Variants in METTL14 observed in about 807,000 individuals in gnomAD.
The protein encoded by METTL14 is N(6)-adenosine-methyltransferase non-catalytic subunit METTL14.
Under a neutral mutation model 62.4 loss-of-function variants are expected in METTL14, and 32 were observed. The observed-to-expected ratio is 0.51, with a 90% CI of 0.39 to 0.69. The LOEUF is 0.69. Ranked by LOEUF, METTL14 falls within the 30% of genes least tolerant of loss-of-function variation. METTL14 has a pLI of 0.00. For synonymous variants in METTL14, 150 were observed against 180.0 expected (o/e 0.83, Z 1.34); for missense variants, 340 against 551.9 (o/e 0.62, Z 3.85).
At chr4:118,696,808 G>A (rs1038550976) in intron 6 of METTL14, among the ~76,000 whole-genome samples, 1 of 152,122 alleles carries the variant, frequency 6.6e-6, no homozygotes, top group Admixed American at 6.5e-5. Context: ...ATAAAACAAT[G>A]TGATATTCCT....
chr4:118,710,330 C>T lies in METTL14; in HGVS notation c.*28C>T. On this transcript the variant is annotated 3_prime_UTR_variant, in exon 11 of 11. Transcript: ENST00000388822. ...GTTGAAGACATTGAACCTATTCATC[C>T]TCCTCTAACCTTCTTTATTGTAATT... 1 of 1,556,244 alleles carries T rather than the reference C, an allele frequency of 6.4e-7. No homozygotes were observed. Among genetic ancestry groups the T allele is most frequent in the Non-Finnish European group, 8.7e-7 (1 of 1,152,838 alleles).
chr4:118,700,150 T>G (rs554307175), intron 7 of METTL14, among the ~76,000 whole-genome samples: 1 of 152,278 alleles, frequency 6.6e-6, no homozygotes, highest in South Asian at 2.1e-4. Flanking sequence ...AAACATTTAT[T>G]GTTATATTTT....
At chr4:118,700,201 T>C (rs1724547009) in intron 7 of METTL14, among the ~76,000 whole-genome samples, 1 of 152,176 alleles carries the variant, frequency 6.6e-6, no homozygotes, top group African/African-American at 2.4e-5. Flanking sequence ...AGTTAAGTGC[T>C]TCATTCTTTT....
intron 1 of METTL14, chr4:118,686,410 C>G (rs1260672205): frequency 1.5e-5 from 5 of 342,506 alleles, no homozygotes; most frequent in Non-Finnish European, 2.9e-5. Flanking sequence ...ATTTTCCATT[C>G]TACTATTCAG....
intron 9 of METTL14, among the ~76,000 whole-genome samples, chr4:118,705,126 A>G (rs917554194): frequency 3.3e-5 from 5 of 152,200 alleles, no homozygotes; most frequent in Non-Finnish European, 7.4e-5. Flanking sequence ...TCTTATTTAC[A>G]TGGCAGTCTT....
intron 5 of METTL14, among the ~76,000 whole-genome samples, chr4:118,692,614 G>C (rs1275495167): frequency 6.6e-6 from 1 of 151,728 alleles, no homozygotes; most frequent in Non-Finnish European, 1.5e-5. Flanking sequence ...TTTTTTGTTT[G>C]TTTCTTTTTG....
Position 118,689,405 on chromosome 4 carries a change from G to A in METTL14, c.191G>A (p.Arg64His), listed in dbSNP as rs201299266. Residue 64 changes from arginine (R) to histidine (H), a missense_variant, in exon 3 of 11, where the codon CGT becomes CAT. This residue lies in a region of METTL14 where 111 missense variants were observed against 116.6 expected (regional missense o/e 0.95). Transcript: ENST00000388822. ...GATACCTCTGCTCCAAATGCAAAAC[G>A]TAAGTATCTGGATGAAGGAGAGACA... is the stretch of plus-strand genomic sequence containing the variant. ...SYDTSAPNAK[R>H]KYLDEGETDE... 2.9e-4 allele frequency: 462 copies of A among 1,605,220 alleles called. No homozygotes were observed. Among genetic ancestry groups the A allele is most frequent in the Non-Finnish European group, 3.8e-4 (443 of 1,176,020 alleles).
chr4:118,711,708 A>G lies in METTL14; in HGVS notation c.*1406A>G, dbSNP rs1389227094. The G allele has an allele frequency of 6.6e-6, 1 of 152,068 alleles. No individual in the cohort carries two copies. The highest frequency in any genetic ancestry group is 2.4e-5 in the African/African-American group (1 of 41,320). The allele number at this position is 152,068 out of a possible 1,614,324, so 9.4% of individuals were successfully genotyped here. A position where few individuals can be genotyped will look rare whatever the true frequency, so the allele number is the denominator to read the frequency against. On this transcript the variant is annotated 3_prime_UTR_variant, in exon 11 of 11. Coordinates refer to ENST00000388822, the MANE Select transcript of METTL14 (RefSeq NM_020961.4). ...TTAACCCATTAGTACTATCTAGTAC[A>G]AGACCCCTTTTTTTTTGCTGAAATT...
rs778488764 is a variant in METTL14 at position 118,700,533 on chromosome 4, G to A, written c.646-17G>A. Reference sequence around the variant, plus strand: ...AAACAAAATACTTTTATGCAATATCGTTTTGATTTCTTACAGATTATGAAG... The same window carrying A: ...AAACAAAATACTTTTATGCAATATCATTTTGATTTCTTACAGATTATGAAG... On this transcript the variant is annotated splice_polypyrimidine_tract_variant and intron_variant, in intron 7 of 10. Coordinates refer to ENST00000388822, the MANE Select transcript of METTL14 (RefSeq NM_020961.4). 16 of 1,590,422 alleles carry A rather than the reference G, an allele frequency of 1.0e-5. No individual in the cohort carries two copies. The highest frequency in any genetic ancestry group is 8.5e-5 in the Admixed American group (5 of 58,914).
Position 118,711,983 on chromosome 4 carries a change from T to A in METTL14, c.*1681T>A, listed in dbSNP as rs1724935992. 1 of 152,182 alleles carries A rather than the reference T, an allele frequency of 6.6e-6. No homozygotes were observed. The highest frequency in any genetic ancestry group is 1.5e-5 in the Non-Finnish European group (1 of 68,036). 9.4% of individuals were successfully genotyped at this position (152,182 alleles called of 1,614,324 possible). A position where few individuals can be genotyped will look rare whatever the true frequency, so the allele number is the denominator to read the frequency against. On this transcript the variant is annotated 3_prime_UTR_variant, in exon 11 of 11. Transcript: ENST00000388822. ...GCACCTGTGAGATCAGTGTCACAATTTCATCTTAGAAAGAGGTAGGTATGG... is the reference window on the plus strand; with the variant it reads ...GCACCTGTGAGATCAGTGTCACAATATCATCTTAGAAAGAGGTAGGTATGG...
chr4:118,700,441 A>G (rs1724555051), intron 7 of METTL14, 109 bp from the exon 8 acceptor site: 1 of 770,598 alleles, frequency 1.3e-6, no homozygotes, highest in Non-Finnish European at 2.1e-6. Context: ...GGAAACTAAT[A>G]CACTTAAAGA....
At chr4:118,686,444 T>C in intron 1 of METTL14, 4 of 373,550 alleles carry the variant, frequency 1.1e-5, no homozygotes, top group South Asian at 8.2e-5. Flanking sequence ...ATAGGAGCAA[T>C]GCTCATAGAG....
rs143229546 is a variant in METTL14, at chr4:118,690,145, A to G, written c.243+688A>G. ...AACTTCCGCCTCCTGGTTTCAAGCT[A>G]TTCTTCTGTCTCGGCCTCCCAAGTA... On this transcript the variant is annotated intron_variant, in intron 3 of 10. Transcript: ENST00000388822. 6.0e-4 allele frequency among the ~76,000 whole-genome samples: 85 copies of G among 140,610 alleles called. 1 individual carries two copies. The East Asian group carries it at 0.016, about 27-fold the overall frequency. The allele number at this position is 140,610 out of a possible 152,430, so 92.2% of individuals were successfully genotyped here.
chr4:118,697,243 A>C lies in METTL14; in HGVS notation c.565A>C (p.Ile189Leu). 6.2e-7 allele frequency: 1 copy of C among 1,612,528 alleles called. No individual in the cohort carries two copies. The highest frequency in any genetic ancestry group is 8.5e-7 in the Non-Finnish European group (1 of 1,179,210). ...AGAACTAACACCCAAATTTGATGTG[A>C]TTCTTCTGGAACCCCCTTTAGAAGA... ...IRELTPKFDV[I>L]LLEPPLEEYY... Residue 189 changes from isoleucine to leucine, a missense_variant, in exon 7 of 11, where the codon ATT (isoleucine) becomes CTT (leucine). Physicochemically the swap from Ile to Leu is conservative, Grantham distance 5. Transcript: ENST00000388822.
intron 10 of METTL14, among the ~76,000 whole-genome samples, chr4:118,708,730 G>C (rs1307684711): frequency 1.3e-5 from 2 of 152,174 alleles, no homozygotes; most frequent in Non-Finnish European, 2.9e-5. Flanking sequence ...ACCTAAGGAT[G>C]ATGGGGCAGA....
intron 8 of METTL14, 36 bp from the exon 9 acceptor site, chr4:118,703,899 G>T: frequency 8.2e-7 from 1 of 1,224,146 alleles, no homozygotes; most frequent in Non-Finnish European, 1.1e-6. Flanking sequence ...ATTTCTTTAA[G>T]TTAAGGATTT....
chr4:118,694,332 G>T (rs750840573), intron 5 of METTL14, 104 bp from the exon 6 acceptor site: 125 of 695,172 alleles, frequency 1.8e-4, no homozygotes, highest in Non-Finnish European at 2.9e-4. Context: ...TGAGTCAAGT[G>T]GCATGTGTAT....
chr4:118,704,015 G>A lies in METTL14; in HGVS notation c.819G>A (p.Lys273=), dbSNP rs757773590. Residue 273 remains lysine, a synonymous_variant, in exon 9 of 11, where the codon AAG becomes AAA. Coordinates refer to ENST00000388822, the MANE Select transcript of METTL14 (RefSeq NM_020961.4). ...ATAAAAACAATCCTGGGAAGACTAA[G>A]ACTTTAGATCCAAAGGCTGTCTTTC... ...KTNKNNPGKT[K]TLDPKAVFQR... is the part of the protein sequence containing the mutation. 6.3e-7 allele frequency: 1 copy of A among 1,593,258 alleles called. No homozygotes were observed. Among genetic ancestry groups the A allele is most frequent in the South Asian group, 1.2e-5 (1 of 86,406 alleles).
At chr4:118,692,168 C>A in intron 5 of METTL14, 100 bp downstream of exon 5, 2 of 732,140 alleles carry the variant, frequency 2.7e-6, no homozygotes, top group Admixed American at 2.6e-5. Context: ...ATTTCTCCAG[C>A]TTGACATCTT....
Sources: allele counts gnomAD v4.1 joint callset (sites outside exome capture counted in the v4.1 genomes callset), GRCh38; gene constraint gnomAD v4.1.1; regional missense constraint gnomAD v4.1.1; transcripts MANE v1.5; gene names NCBI Gene and HGNC (gene_info 2026-07-23, HGNC 2026-07-21).